RAB20: variants seen among roughly 807,000 people sequenced by gnomAD.
The protein encoded by RAB20 is RAB20, member RAS oncogene family.
A neutral mutation model predicts 3.7 loss-of-function variants in RAB20; 2 were observed. The observed-to-expected ratio is 0.54, with a 90% CI of 0.22 to 1.69. RAB20 has a LOEUF of 1.69. RAB20 is among the 40% of genes most tolerant of loss of function. The probability of loss-of-function intolerance (pLI) is 0.19; values close to 1 mark genes in which losing one functional copy is unlikely to be tolerated. For synonymous variants in RAB20, 126 were observed against 130.8 expected, an observed-to-expected ratio of 0.96 and a Z score of 0.25; for missense variants, 276 against 311.9, an observed-to-expected ratio of 0.88 and a Z score of 0.87.
chr13:110,537,455 A>G (rs1300747854), intron 1 of RAB20, among the ~76,000 whole-genome samples: 8 of 152,100 alleles, frequency 5.3e-5, no homozygotes, highest in African/African-American at 1.2e-4. Flanking sequence ...ACTGAAAAAG[A>G]TATCAAAGAA....
intron 1 of RAB20, among the ~76,000 whole-genome samples, chr13:110,538,327 C>T (rs1280354833): frequency 1.3e-5 from 2 of 149,992 alleles, no homozygotes; most frequent in Non-Finnish European, 3.0e-5. Context: ...AGAAATAGGC[C>T]AGGCACGGTG....
In RAB20 at chr13:110,555,785, C is replaced by T. The variant is rs190793439; in HGVS notation, c.172+5563G>A. On this transcript the variant is annotated intron_variant, in intron 1 of 1. Coordinates refer to ENST00000267328, the MANE Select transcript of RAB20 (RefSeq NM_017817.3). This position sits in a 1 kb window ranked among gnomAD's most constrained non-coding sequence, Gnocchi z 4.0. ...TGCTGAGCCCTTGGGTGGCAGATGG[C>T]GACTTTTATTCTCACTCTTTACCAC... Among the ~76,000 whole-genome samples, 12 of 152,316 alleles carry T rather than the reference C, an allele frequency of 7.9e-5. No homozygotes were observed. The highest frequency in any genetic ancestry group is 4.1e-4 in the South Asian group (2 of 4,828).
intron 1 of RAB20, among the ~76,000 whole-genome samples, chr13:110,536,889 C>T (rs1213466171): frequency 3.3e-5 from 5 of 151,044 alleles, no homozygotes; most frequent in Non-Finnish European, 7.4e-5. Flanking sequence ...ATTAACTCAT[C>T]ATTTACATTA....
Position 110,523,074 on chromosome 13 carries a change from T to C in RAB20, c.*591A>G, listed in dbSNP as rs1884358654. 5.4e-6 allele frequency: 2 copies of C among 370,872 alleles called. No individual in the cohort carries two copies. Among genetic ancestry groups the C allele is most frequent in the Non-Finnish European group, 9.5e-6 (2 of 209,532 alleles). The allele number at this position is 370,872 out of a possible 1,614,324, so 23.0% of individuals were successfully genotyped here. A position where few individuals can be genotyped will look rare whatever the true frequency, so the allele number is the denominator to read the frequency against. ...AGTTCAGTCTCAATACCTAAGTTGTTCCAAAAATCCTCTTTAATAATACAT... is the reference window on the plus strand; with the variant it reads ...AGTTCAGTCTCAATACCTAAGTTGTCCCAAAAATCCTCTTTAATAATACAT... On this transcript the variant is annotated 3_prime_UTR_variant, in exon 2 of 2. Coordinates refer to ENST00000267328, the MANE Select transcript of RAB20 (RefSeq NM_017817.3).
chr13:110,524,225 T>C (rs371543746), intron 1 of RAB20, 28 bp from the exon 2 acceptor site: 39 of 1,549,532 alleles, frequency 2.5e-5, no homozygotes, highest in Non-Finnish European at 3.3e-5. Context: ...ACAGAAAGAG[T>C]GGTTATCTCT....
At chr13:110,529,225 C>G (rs1478492406) in intron 1 of RAB20, among the ~76,000 whole-genome samples, 1 of 152,250 alleles carries the variant, frequency 6.6e-6, no homozygotes, top group Non-Finnish European at 1.5e-5. Context: ...TATTTGAATC[C>G]AAGGACCCTC....
chr13:110,547,068 G>T (rs942942531), intron 1 of RAB20, among the ~76,000 whole-genome samples: 4 of 152,180 alleles, frequency 2.6e-5, no homozygotes, highest in African/African-American at 9.7e-5. Context: ...ACAAACAATA[G>T]AAAGTGTTCC....
Position 110,546,103 on chromosome 13 carries a change from A to G in RAB20, c.172+15245T>C, listed in dbSNP as rs907183740. Among the ~76,000 whole-genome samples the G allele has an allele frequency of 3.4e-4, 51 of 151,964 alleles. 1 individual carries two copies. Among genetic ancestry groups the G allele is most frequent in the Non-Finnish European group, 4.4e-5 (3 of 67,970 alleles). On this transcript the variant is annotated intron_variant, in intron 1 of 1. Transcript: ENST00000267328. ...CCCATGAGATAGGCACCAAAAAAAA[A>G]GCCTCAGCCATTTAATCCTTATCAC...
chr13:110,546,000 C>T (rs775545952), intron 1 of RAB20, among the ~76,000 whole-genome samples: 4 of 152,044 alleles, frequency 2.6e-5, no homozygotes, highest in Non-Finnish European at 5.9e-5. Context: ...TACAGCAAAG[C>T]AGATGAAAAG....
At chr13:110,561,290 CG>C in intron 1 of RAB20, 57 bp downstream of exon 1, 1 of 1,482,782 alleles carries the variant, frequency 6.7e-7, no homozygotes, top group Non-Finnish European at 8.9e-7. Flanking sequence ...GGAAGCCCCG[CG>C]CCCCCCGTCC....
At chr13:110,526,155 A>T (rs1884427034) in intron 1 of RAB20, among the ~76,000 whole-genome samples, 1 of 151,198 alleles carries the variant, frequency 6.6e-6, no homozygotes, top group Non-Finnish European at 1.5e-5. Flanking sequence ...CTCCCGGGCC[A>T]TGCCCTTAGG....
At chr13:110,548,015 G>C (rs572558657) in intron 1 of RAB20, among the ~76,000 whole-genome samples, 3 of 152,272 alleles carry the variant, frequency 2.0e-5, no homozygotes, top group Admixed American at 2.0e-4. Flanking sequence ...GCTACCACCA[G>C]AGCAACTCCT....
At chr13:110,542,547 T>G (rs185838342) in intron 1 of RAB20, among the ~76,000 whole-genome samples, 13 of 152,336 alleles carry the variant, frequency 8.5e-5, no homozygotes, top group Admixed American at 6.5e-4. Flanking sequence ...GAGTTCAACT[T>G]GTTCAGATGC....
intron 1 of RAB20, among the ~76,000 whole-genome samples, chr13:110,547,370 C>T (rs765908966): frequency 2.6e-5 from 4 of 152,232 alleles, no homozygotes; most frequent in African/African-American, 9.6e-5. Flanking sequence ...AATCTTAACA[C>T]ATTGATCTCG....
chr13:110,536,930 TCCCCCCA>T (rs1318929362), intron 1 of RAB20, among the ~76,000 whole-genome samples: 1 of 26,764 alleles, frequency 3.7e-5, no homozygotes, highest in Non-Finnish European at 7.2e-5. Flanking sequence ...CCCTCCCCCC[TCCCCCCA>T]CCCCACAACA....
At chr13:110,548,217 C>T (rs1884888422) in intron 1 of RAB20, among the ~76,000 whole-genome samples, 1 of 152,184 alleles carries the variant, frequency 6.6e-6, no homozygotes, top group African/African-American at 2.4e-5. Context: ...GGCACGGTGG[C>T]TCACACCTGT....
At chr13:110,526,751 T>C (rs914495116) in intron 1 of RAB20, among the ~76,000 whole-genome samples, 10 of 152,160 alleles carry the variant, frequency 6.6e-5, no homozygotes, top group African/African-American at 2.4e-4. Flanking sequence ...GGTGCTTCCA[T>C]CCGCATGCCA....
chr13:110,556,543 T>C (rs1184174870), intron 1 of RAB20, among the ~76,000 whole-genome samples: 1 of 152,184 alleles, frequency 6.6e-6, no homozygotes, highest in Non-Finnish European at 1.5e-5. Context: ...TTTATTTATT[T>C]ATTCATTTGA....
rs2139594262 is a variant in RAB20, at chr13:110,561,396, A to G, written c.124T>C (p.Tyr42His). ...DTVSTVGGAF[Y>H]LKQWRSYNIS... ...TTGTAGGAGCGCCACTGCTTCAGGT[A>G]GAAGGCGCCGCCCACCGTGCTGACC... Residue 42 changes from tyrosine (Y) to histidine (H), a missense_variant, in exon 1 of 2, where the codon TAC becomes CAC. Physicochemically the swap from Tyr to His is moderately conservative, Grantham distance 83 (BLOSUM62 2). Transcript: ENST00000267328. 3 of 1,609,872 alleles carry G rather than the reference A, an allele frequency of 1.9e-6. No homozygotes were observed. Among genetic ancestry groups the G allele is most frequent in the Non-Finnish European group, 2.5e-6 (3 of 1,178,190 alleles).
Sources: gnomAD v4.1 joint callset for allele counts (sites outside exome capture counted in the v4.1 genomes callset) on GRCh38, gnomAD v4.1.1 for gene constraint, Gnocchi (gnomAD v3.1) non-coding constraint, MANE v1.5 for transcripts, NCBI Gene and HGNC (gene_info 2026-07-23, HGNC 2026-07-21) for gene names.